Variants in HERC2 observed in about 807,000 individuals in gnomAD.
HERC2 encodes the protein E3 ubiquitin-protein ligase HERC2.
In HERC2, 102 loss-of-function variants were observed where a neutral mutation model predicts 537.7. The ratio of observed to expected loss-of-function variants is 0.19; its 90% CI spans 0.16 to 0.22. The LOEUF (loss-of-function observed/expected upper bound fraction) is 0.22. Among genes scored for constraint, HERC2 ranks in the 10% least tolerant of loss-of-function variants. The pLI is 1.00. For missense variants in HERC2, 4,236 were observed against 6,198.2 expected (o/e 0.68, Z 10.63); for synonymous variants, 2,224 against 2,466.2 (o/e 0.90, Z 2.91).
intron 35 of HERC2, among the ~76,000 whole-genome samples, chr15:28,224,976 C>T (rs1239513819): frequency 4.6e-5 from 7 of 152,234 alleles, no homozygotes; most frequent in Non-Finnish European, 1.0e-4. Flanking sequence ...AACTTCTGTG[C>T]TGCGCCAAAA....
chr15:28,322,009 G>A (rs1180404803), intron 1 of HERC2, 66 bp downstream of exon 1: 1 of 91,952 alleles, frequency 1.1e-5, no homozygotes, highest in East Asian at 5.1e-4. Flanking sequence ...CCCGGGCTCG[G>A]CCGCCCGCCA....
At chr15:28,166,898 A>AAACAGG (rs1470663342) in intron 68 of HERC2, among the ~76,000 whole-genome samples, 1 of 152,250 alleles carries the variant, frequency 6.6e-6, no homozygotes, top group East Asian at 1.9e-4. Flanking sequence ...TATTTGACTA[A>AAACAGG]AACAGGAACT....
Position 28,111,510 on chromosome 15 carries a change from C to T in HERC2, c.*253G>A. 3.9e-6 allele frequency: 2 copies of T among 512,190 alleles called. No homozygotes were observed. Among genetic ancestry groups the T allele is most frequent in the Non-Finnish European group, 6.9e-6 (2 of 291,408 alleles). The allele number at this position is 512,190 out of a possible 1,614,324, so 31.7% of individuals were successfully genotyped here. On this transcript the variant is annotated 3_prime_UTR_variant, in exon 93 of 93. Coordinates refer to ENST00000261609, the MANE Select transcript of HERC2 (RefSeq NM_004667.6). Reference sequence around the variant, plus strand: ...AAACATTTACACACTTTAGTAAACACAGTCCTACATGTAATGCAGCATTAC... The same window carrying T: ...AAACATTTACACACTTTAGTAAACATAGTCCTACATGTAATGCAGCATTAC...
intron 4 of HERC2, among the ~76,000 whole-genome samples, chr15:28,289,364 C>T (rs189052531): frequency 0.023 from 3,465 of 149,604 alleles, 120 homozygotes; most frequent in Non-Finnish European, 0.028. Context: ...GTCAAATTTA[C>T]AAATATGATG....
intron 70 of HERC2, among the ~76,000 whole-genome samples, chr15:28,149,186 G>A (rs1440053979): frequency 6.8e-5 from 9 of 131,726 alleles, no homozygotes; most frequent in Non-Finnish European, 1.1e-4. Context: ...CCACACGAAC[G>A]CACATTCTAG....
chr15:28,170,270 T>C (rs1894557471), intron 65 of HERC2, among the ~76,000 whole-genome samples: 1 of 152,232 alleles, frequency 6.6e-6, no homozygotes, highest in Admixed American at 6.5e-5. Context: ...GGAATGAGTC[T>C]ACCCAATTTC....
intron 86 of HERC2, among the ~76,000 whole-genome samples, chr15:28,120,178 A>C (rs545486154): frequency 6.6e-6 from 1 of 152,336 alleles, no homozygotes; most frequent in Non-Finnish European, 1.5e-5. Context: ...ACCTAGTTAA[A>C]CAACCTATTT....
In HERC2 at chr15:28,191,893, T is replaced by C. The variant is rs1405215749; in HGVS notation, c.8451+68A>G. ...AACTTTGCAGGCTGCTCAAAGTTCA[T>C]TTTGAAAATGTACAAGGCAAAACCA... On this transcript the variant is annotated intron_variant, in intron 53 of 92. Transcript: ENST00000261609. 5 of 1,437,566 alleles carry C rather than the reference T, an allele frequency of 3.5e-6. No homozygotes were observed. The Admixed American group carries it at 5.9e-5, about 17-fold the overall frequency. The allele number at this position is 1,437,566 out of a possible 1,614,324, so 89.1% of individuals were successfully genotyped here.
At chr15:28,280,739 T>C (rs1020601929) in intron 4 of HERC2, among the ~76,000 whole-genome samples, 1 of 151,754 alleles carries the variant, frequency 6.6e-6, no homozygotes, top group African/African-American at 2.4e-5. Flanking sequence ...ACCCCTTCTC[T>C]ACTAAAAAAA....
rs746198078 is a variant in HERC2, at chr15:28,274,419, C to G, written c.672G>C (p.Leu224=). The part of the protein sequence containing the change: ...SGEDADLCSE[L]LQESLDALRA... ...GCAGGGCGTCCAGGGACTCCTGCAA[C>G]AGCTCACTGCAGAGGTCCGCATCCT... The change falls in exon 7 of 93, where the codon CTG becomes CTC. Residue 224 remains leucine, a synonymous_variant. Coordinates refer to ENST00000261609, the MANE Select transcript of HERC2 (RefSeq NM_004667.6). The G allele has an allele frequency of 6.2e-7, 1 of 1,613,086 alleles. No individual in the cohort carries two copies. Among genetic ancestry groups the G allele is most frequent in the Admixed American group, 1.7e-5 (1 of 59,914 alleles).
chr15:28,267,210 C>G (rs1261830787), intron 12 of HERC2, among the ~76,000 whole-genome samples: 2 of 152,190 alleles, frequency 1.3e-5, no homozygotes, highest in Non-Finnish European at 2.9e-5. Context: ...CAGGTGCTCA[C>G]AGGGACAGCC....
At chr15:28,128,353 C>T (rs895420495) in intron 83 of HERC2, among the ~76,000 whole-genome samples, 2 of 152,162 alleles carry the variant, frequency 1.3e-5, no homozygotes, top group Non-Finnish European at 2.9e-5. Flanking sequence ...AAGCTCAGGA[C>T]GCGGCAGCAG....
In HERC2 at chr15:28,275,032, A is replaced by C. The variant is rs1018944730; in HGVS notation, c.543-27T>G. On this transcript the variant is annotated intron_variant, in intron 5 of 92. Transcript: ENST00000261609. ...TGCAGACGACACACACGGAACATAC[A>C]ACCAGTCAGCAGCAGAGGGTGCAGA... The C allele has an allele frequency of 4.1e-6, 6 of 1,481,134 alleles. No homozygotes were observed. The African/African-American group carries it at 8.3e-5, about 20-fold the overall frequency. 91.7% of individuals were successfully genotyped at this position (1,481,134 alleles called of 1,614,324 possible).
intron 50 of HERC2, among the ~76,000 whole-genome samples, chr15:28,196,824 G>A (rs1897389157): frequency 6.6e-6 from 1 of 152,192 alleles, no homozygotes; most frequent in Non-Finnish European, 1.5e-5. Context: ...CAGGTAATGA[G>A]CACATGGAGG....
chr15:28,210,663 A>G (rs567864057), intron 44 of HERC2, among the ~76,000 whole-genome samples: 2 of 151,764 alleles, frequency 1.3e-5, no homozygotes, highest in African/African-American at 2.4e-5. Context: ...TACTTGTTAC[A>G]ATACAGGCTC....
Position 28,144,212 on chromosome 15 carries a change from G to C in HERC2, c.11164C>G (p.Arg3722Gly). ...ATGGATGGACAGGAGAGGACGCAGCGGTCAGAGAGGAGTTCTTTAGGGCCT... is the reference window on the plus strand; with the variant it reads ...ATGGATGGACAGGAGAGGACGCAGCCGTCAGAGAGGAGTTCTTTAGGGCCT... ...AAGPKELLSD[R>G]CVLSCPSMDL... The change falls in exon 73 of 93, where the codon CGC becomes GGC. Residue 3722 changes from arginine (R) to glycine (G), a missense_variant. By Grantham distance (125) the Arg-to-Gly change is moderately radical. This residue lies in a region of HERC2 where 109 missense variants were observed against 133.5 expected (regional missense o/e 0.82). Coordinates refer to ENST00000261609, the MANE Select transcript of HERC2 (RefSeq NM_004667.6). The C allele has an allele frequency of 1.2e-6, 2 of 1,614,064 alleles. No individual in the cohort carries two copies. The highest frequency in any genetic ancestry group is 8.5e-7 in the Non-Finnish European group (1 of 1,180,032).
chr15:28,155,617 T>A (rs1186144792), intron 69 of HERC2, among the ~76,000 whole-genome samples: 2 of 146,112 alleles, frequency 1.4e-5, no homozygotes. Context: ...GGGGTTGTTT[T>A]TTTCTTGTAA....
intron 71 of HERC2, among the ~76,000 whole-genome samples, chr15:28,145,915 T>C (rs956566894): frequency 1.3e-5 from 2 of 152,146 alleles, no homozygotes; most frequent in Non-Finnish European, 2.9e-5. Context: ...ACAAACCTTT[T>C]GAAGAAGCTC....
intron 1 of HERC2, 75 bp from the exon 2 acceptor site, chr15:28,321,539 G>C: frequency 1.5e-6 from 1 of 653,342 alleles, no homozygotes; most frequent in South Asian, 2.1e-5. Flanking sequence ...AGCCAGAAAA[G>C]AAAAAAGAGA....
Sources: gnomAD v4.1 joint callset for allele counts (sites outside exome capture counted in the v4.1 genomes callset) on GRCh38, gnomAD v4.1.1 for gene constraint, gnomAD v4.1.1 regional missense constraint, MANE v1.5 for transcripts, NCBI Gene and HGNC (gene_info 2026-07-23, HGNC 2026-07-21) for gene names.